The following MTA3 variants were observed in gnomAD, a reference collection of about 807,000 sequenced individuals.
MTA3 encodes the protein metastasis-associated protein MTA3.
A neutral mutation model predicts 83.5 loss-of-function variants in MTA3; 34 were observed. That is an observed-to-expected ratio of 0.41 (90% CI 0.31 to 0.54). The LOEUF is 0.54. Ranked by LOEUF, MTA3 falls within the 20% of genes least tolerant of loss-of-function variation. MTA3 has a pLI of 0.33. For synonymous variants in MTA3, 303 were observed against 252.7 expected (o/e 1.20, Z -1.89); for missense variants, 761 against 726.4 (o/e 1.05, Z -0.55).
At chr2:42,516,320 T>G (rs1006888703) in intron 2 of MTA3, among the ~76,000 whole-genome samples, 1 of 152,186 alleles carries the variant, frequency 6.6e-6, no homozygotes, top group Non-Finnish European at 1.5e-5. Context: ...AGAGTAGAGA[T>G]AAATTATAAA....
chr2:42,546,042 C>A (rs890974986), intron 2 of MTA3, among the ~76,000 whole-genome samples: 6 of 152,188 alleles, frequency 3.9e-5, no homozygotes, highest in African/African-American at 1.4e-4. Flanking sequence ...CCCTAAGCCA[C>A]TCCTGAAAGG....
intron 8 of MTA3, among the ~76,000 whole-genome samples, chr2:42,674,598 T>TC (rs1491072158): frequency 3.8e-4 from 7 of 18,350 alleles, no homozygotes; most frequent in African/African-American, 7.4e-4. Context: ...TTCTTCTTCT[T>TC]TTTTTTTTTT....
rs550852453 is a variant in MTA3, at chr2:42,676,043, CCT to C, written c.703-6354_703-6353del. On this transcript the variant is annotated intron_variant, in intron 8 of 16. Transcript: ENST00000405094. ...TTCTACACATTCTGAGCTTTACTCT[CCT>C]CTCCTTTGGTCTTTGGTATAAATGT... Among the ~76,000 whole-genome samples, 283 of 152,322 alleles carry C rather than the reference CCT, an allele frequency of 1.9e-3. 2 individuals carry two copies. The highest frequency in any genetic ancestry group is 5.4e-3 in the African/African-American group (224 of 41,568).
At chr2:42,649,174 C>G (rs1220406054) in intron 6 of MTA3, among the ~76,000 whole-genome samples, 2 of 152,086 alleles carry the variant, frequency 1.3e-5, no homozygotes, top group South Asian at 2.1e-4. Context: ...GCCGGCAGAT[C>G]ATTTGAGGTC....
intron 9 of MTA3, among the ~76,000 whole-genome samples, chr2:42,687,258 C>G (rs1264135753): frequency 6.6e-6 from 1 of 152,162 alleles, no homozygotes; most frequent in Non-Finnish European, 1.5e-5. Flanking sequence ...ATGCTCCATC[C>G]CTATAGTTTT....
At chr2:42,617,011 T>C (rs1684977049) in intron 4 of MTA3, among the ~76,000 whole-genome samples, 1 of 152,190 alleles carries the variant, frequency 6.6e-6, no homozygotes, top group African/African-American at 2.4e-5. Context: ...TTAAATGGAA[T>C]ACTAGACAGA....
chr2:42,612,327 A>G (rs1684327904), intron 4 of MTA3, among the ~76,000 whole-genome samples: 1 of 151,808 alleles, frequency 6.6e-6, no homozygotes, highest in South Asian at 2.1e-4. Flanking sequence ...CGATCCTCCC[A>G]CCTCAGCCTC....
chr2:42,664,318 C>T (rs964296847), intron 8 of MTA3, among the ~76,000 whole-genome samples: 3 of 151,984 alleles, frequency 2.0e-5, no homozygotes, highest in African/African-American at 7.3e-5. Flanking sequence ...ATGAGCTTTG[C>T]AGATTGTTTC....
intron 5 of MTA3, among the ~76,000 whole-genome samples, chr2:42,643,261 G>T (rs1055936727): frequency 6.6e-6 from 1 of 152,028 alleles, no homozygotes; most frequent in African/African-American, 2.4e-5. Flanking sequence ...TAAAGTTCTG[G>T]TAGTAGGGAC....
At chr2:42,603,196 A>G (rs1194416804) in intron 3 of MTA3, among the ~76,000 whole-genome samples, 1 of 150,988 alleles carries the variant, frequency 6.6e-6, no homozygotes, top group Non-Finnish European at 1.5e-5. Flanking sequence ...TGTTAGATGT[A>G]TAAGCCGTGA....
At chr2:42,605,940 C>A (rs1683283603) in intron 3 of MTA3, among the ~76,000 whole-genome samples, 1 of 39,084 alleles carries the variant, frequency 2.6e-5, no homozygotes, top group Non-Finnish European at 5.0e-5. Context: ...CCTCACCTCC[C>A]CGACGGGGCG....
chr2:42,632,713 T>G (rs1686803927), intron 4 of MTA3, among the ~76,000 whole-genome samples: 1 of 152,276 alleles, frequency 6.6e-6, no homozygotes, highest in African/African-American at 2.4e-5. Context: ...CAAAACATAA[T>G]TTGTCAGTCA....
intron 4 of MTA3, among the ~76,000 whole-genome samples, chr2:42,616,316 G>C (rs1184458396): frequency 6.6e-6 from 1 of 151,880 alleles, no homozygotes; most frequent in Non-Finnish European, 1.5e-5. Flanking sequence ...GCCTGCTTTG[G>C]CCTCCCAAAG....
intron 9 of MTA3, 107 bp from the exon 10 acceptor site, chr2:42,695,658 A>G (rs1331826329): frequency 1.7e-4 from 82 of 486,216 alleles, no homozygotes; most frequent in African/African-American, 1.4e-3. Flanking sequence ...AAAAAAAAAA[A>G]AAAGAAAGTG....
intron 2 of MTA3, among the ~76,000 whole-genome samples, chr2:42,536,169 G>C (rs1272070957): frequency 6.7e-6 from 1 of 149,984 alleles, no homozygotes; most frequent in African/African-American, 2.5e-5. Context: ...TCTCCCCCGG[G>C]CCATATGAAA....
chr2:42,748,201 T>TGTGTGTGTGTGTG lies in MTA3; in HGVS notation c.1760-5173_1760-5172insGTGTGTGTGTGTG, dbSNP rs1553402307. Among the ~76,000 whole-genome samples, 105 of 137,716 alleles carry TGTGTGTGTGTGTG rather than the reference T, an allele frequency of 7.6e-4. 3 individuals are homozygous for TGTGTGTGTGTGTG. Among genetic ancestry groups the TGTGTGTGTGTGTG allele is most frequent in the Middle Eastern group, 3.8e-3 (1 of 260 alleles). The allele number at this position is 137,716 out of a possible 152,430, so 90.3% of individuals were successfully genotyped here. On this transcript the variant is annotated intron_variant, in intron 16 of 16. Transcript: ENST00000405094. The stretch of plus-strand genomic sequence containing the variant: ...GTGCCATCACATCCAGCTAATGTGT[T>TGTGTGTGTGTGTG]TGTGTGTGTGTGTGTGTGTGTGTGT...
chr2:42,708,845 T>C (rs756780633), intron 13 of MTA3, 29 bp from the exon 14 acceptor site: 5 of 1,611,822 alleles, frequency 3.1e-6, no homozygotes, highest in Non-Finnish European at 4.2e-6. Flanking sequence ...TTCACTTCCT[T>C]GAGTGTTTGT....
rs532685063 is a variant in MTA3, at chr2:42,609,550, C to T, written c.283C>T (p.Arg95Cys). The T allele has an allele frequency of 3.1e-6, 5 of 1,613,762 alleles. No homozygotes were observed. The highest frequency in any genetic ancestry group is 1.1e-5 in the South Asian group (1 of 91,074). Residue 95 changes from arginine to cysteine, a missense_variant, in exon 4 of 17, where the codon CGC becomes TGC. Arg to Cys is a radical substitution (Grantham distance 180). Transcript: ENST00000405094. The stretch of plus-strand genomic sequence containing the variant: ...GAAACATAGGGAACTCTTTTTGTCA[C>T]GCCAGTATGAATCTCTGCCCGCAAC... ...QLKHRELFLS[R>C]QYESLPATHI...
intron 2 of MTA3, among the ~76,000 whole-genome samples, chr2:42,524,479 T>TTTTTG (rs1553337474): frequency 4.4e-5 from 5 of 114,820 alleles, no homozygotes; most frequent in East Asian, 2.5e-4. Flanking sequence ...TGTGTTTTTT[T>TTTTTG]TTTTTTTTTT....
Sources: gnomAD v4.1 joint callset for allele counts (sites outside exome capture counted in the v4.1 genomes callset) on GRCh38, gnomAD v4.1.1 for gene constraint, MANE v1.5 for transcripts, NCBI Gene and HGNC (gene_info 2026-07-23, HGNC 2026-07-21) for gene names.